Variants in EIF3D observed in about 807,000 individuals in gnomAD.
EIF3D encodes the protein eIF3 p66.
In EIF3D, 10 loss-of-function variants were observed where a neutral mutation model predicts 75.4. The observed-to-expected ratio is 0.13, with a 90% confidence interval of 0.08 to 0.22. The LOEUF (loss-of-function observed/expected upper bound fraction) is 0.22, where lower values mean the gene tolerates loss of function less well. Ranked by LOEUF, EIF3D falls within the 10% of genes least tolerant of loss-of-function variation. The probability of loss-of-function intolerance (pLI) is 1.00; values close to 1 mark genes in which losing one functional copy is unlikely to be tolerated. For synonymous variants in EIF3D, 246 were observed against 248.3 expected (o/e 0.99, Z 0.09); for missense variants, 394 against 708.0 (o/e 0.56, Z 5.03).
rs1180958123 is a variant in EIF3D at position 36,517,292 on chromosome 22, T to C, written c.990+9A>G. ...GAATGAATCAATGCCCAGAGACTCG[T>C]TTCCTCACCATTCTCAAGCACTGCT... On this transcript the variant is annotated intron_variant, in intron 10 of 14. Coordinates refer to ENST00000216190, the MANE Select transcript of EIF3D (RefSeq NM_003753.4). The C allele has an allele frequency of 5.6e-6, 9 of 1,613,766 alleles. No individual in the cohort carries two copies.
At chr22:36,525,522 A>G in intron 3 of EIF3D, 142 bp downstream of exon 3, 1 of 951,092 alleles carries the variant, frequency 1.1e-6, no homozygotes, top group Non-Finnish European at 1.6e-6. Context: ...TTATTGTTAA[A>G]GCCCAGAATA....
intron 4 of EIF3D, among the ~76,000 whole-genome samples, chr22:36,524,214 G>C (rs1475276529): frequency 6.6e-6 from 1 of 151,980 alleles, no homozygotes; most frequent in Non-Finnish European, 1.5e-5. Flanking sequence ...ATGTTTACTG[G>C]GTCTCATTAG....
intron 10 of EIF3D, 185 bp from the exon 11 acceptor site, chr22:36,516,975 A>C (rs750305953): frequency 6.3e-6 from 4 of 631,092 alleles, no homozygotes; most frequent in African/African-American, 1.8e-5. Context: ...CACCTGATGA[A>C]TTAGAACAAT....
intron 2 of EIF3D, 92 bp from the exon 3 acceptor site, chr22:36,525,801 G>T: frequency 1.3e-6 from 2 of 1,528,854 alleles, no homozygotes; most frequent in Non-Finnish European, 1.8e-6. Context: ...GGACAGCGTG[G>T]AAGAGTCTCA....
At position 36,511,725 on chromosome 22, in the gene EIF3D, A is replaced by G. The variant is rs757344731; in HGVS notation, c.1411T>C (p.Phe471Leu). 6 of 1,613,916 alleles carry G rather than the reference A, an allele frequency of 3.7e-6. No individual in the cohort carries two copies. Among genetic ancestry groups the G allele is most frequent in the Non-Finnish European group, 5.1e-6 (6 of 1,180,018 alleles). The change falls in exon 14 of 15, where the codon TTC becomes CTC. Residue 471 changes from phenylalanine to leucine, a missense_variant. Physicochemically the swap from Phe to Leu is conservative, Grantham distance 22. Transcript: ENST00000216190. Reference protein sequence around the residue: ...SRHVILGTQQFKPNEFASQIN... With the variant: ...SRHVILGTQQLKPNEFASQIN... ...TGGCTGGCAAACTCATTAGGCTTGA[A>G]CTGCTGGGTGCCTAGGATGACGTGG... is the stretch of plus-strand genomic sequence containing the variant.
chr22:36,512,446 C>A lies in EIF3D; in HGVS notation c.1349+14G>T. ...TCACAAGATCAGCTGCCAGCTCCTG[C>A]ACAGGAATCTCACCCAAGCTTGAGG... On this transcript the variant is annotated intron_variant, in intron 13 of 14. Transcript: ENST00000216190. 1 of 1,613,818 alleles carries A rather than the reference C, an allele frequency of 6.2e-7. No homozygotes were observed. The highest frequency in any genetic ancestry group is 1.1e-5 in the South Asian group (1 of 91,066).
At chr22:36,522,501 G>A (rs1006034490) in intron 6 of EIF3D, among the ~76,000 whole-genome samples, 3 of 152,136 alleles carry the variant, frequency 2.0e-5, no homozygotes, top group East Asian at 1.9e-4. Flanking sequence ...AAACTGTACC[G>A]ACACATGCTA....
Position 36,525,552 on chromosome 22 carries a change from T to C in EIF3D, c.169+112A>G, listed in dbSNP as rs970853686. 2.5e-6 allele frequency: 3 copies of C among 1,207,020 alleles called. No individual in the cohort carries two copies. The African/African-American group carries it at 4.6e-5, about 19-fold the overall frequency. The allele number at this position is 1,207,020 out of a possible 1,614,324, so 74.8% of individuals were successfully genotyped here. A position where few individuals can be genotyped will look rare whatever the true frequency, so the allele number is the denominator to read the frequency against. On this transcript the variant is annotated intron_variant, in intron 3 of 14. Coordinates refer to ENST00000216190, the MANE Select transcript of EIF3D (RefSeq NM_003753.4). Reference sequence around the variant, plus strand: ...AGAATACATCCCTAAAAGTTATGAATTATTGTTGGCAGTTTCTTCCCATTC... The same window carrying C: ...AGAATACATCCCTAAAAGTTATGAACTATTGTTGGCAGTTTCTTCCCATTC...
intron 8 of EIF3D, 46 bp downstream of exon 8, chr22:36,519,359 G>A (rs374738887): frequency 1.3e-5 from 21 of 1,610,374 alleles, no homozygotes; most frequent in Middle Eastern, 1.7e-4. Context: ...TGTAGAAGCC[G>A]ACAGCATTCC....
chr22:36,519,834 G>A (rs1160330515), intron 7 of EIF3D, among the ~76,000 whole-genome samples: 6 of 152,166 alleles, frequency 3.9e-5, no homozygotes, highest in Admixed American at 2.6e-4. Context: ...CTGACTTCTC[G>A]TCTGGTGCTC....
intron 5 of EIF3D, among the ~76,000 whole-genome samples, 163 bp downstream of exon 5, chr22:36,523,732 A>G (rs1006604506): frequency 2.0e-5 from 3 of 152,234 alleles, no homozygotes; most frequent in Non-Finnish European, 4.4e-5. Flanking sequence ...GCCATGAACC[A>G]GCCTGAGAAC....
chr22:36,511,088 G>T, intron 14 of EIF3D, 88 bp from the exon 15 acceptor site: 1 of 1,490,474 alleles, frequency 6.7e-7, no homozygotes, highest in Non-Finnish European at 9.0e-7. Flanking sequence ...TGGACTGTGC[G>T]TGAGTTTTCA....
intron 8 of EIF3D, 142 bp downstream of exon 8, chr22:36,519,263 C>A: frequency 8.1e-7 from 1 of 1,238,758 alleles, no homozygotes; most frequent in Non-Finnish European, 1.1e-6. Flanking sequence ...TGCTTAACAT[C>A]CACATTTCCG....
intron 4 of EIF3D, 36 bp downstream of exon 4, chr22:36,524,560 G>C (rs1165449126): frequency 6.2e-7 from 1 of 1,613,404 alleles, no homozygotes; most frequent in Middle Eastern, 1.7e-4. Flanking sequence ...AACAGTAACA[G>C]CCCCAAGATG....
intron 14 of EIF3D, 83 bp from the exon 15 acceptor site, chr22:36,511,083 T>C (rs1451808692): frequency 1.8e-5 from 27 of 1,502,388 alleles, no homozygotes; most frequent in Non-Finnish European, 2.1e-5. Flanking sequence ...TCTGCTGGAC[T>C]GTGCGTGAGT....
chr22:36,525,903 C>T, intron 2 of EIF3D, 96 bp downstream of exon 2: 3 of 1,520,294 alleles, frequency 2.0e-6, no homozygotes, highest in African/African-American at 1.4e-5. Flanking sequence ...ATAAGAAATT[C>T]AGGAGTTAAG....
chr22:36,516,741 T>C lies in EIF3D; in HGVS notation c.1040A>G (p.Asp347Gly). ...AGAGGCGATTTCATTCTTATCCATG[T>C]CGTCCTCCACAAACGGGTTTGGGTT... Reference protein sequence around the residue: ...FPNPNPFVEDDMDKNEIASVA... With the variant: ...FPNPNPFVEDGMDKNEIASVA... Residue 347 changes from aspartate (D) to glycine (G), a missense_variant, in exon 11 of 15, where the codon GAC becomes GGC. By Grantham distance (94) the Asp-to-Gly change is moderately conservative (BLOSUM62 -1). Coordinates refer to ENST00000216190, the MANE Select transcript of EIF3D (RefSeq NM_003753.4). The C allele has an allele frequency of 6.2e-7, 1 of 1,614,238 alleles. No homozygotes were observed.
intron 6 of EIF3D, among the ~76,000 whole-genome samples, chr22:36,521,518 G>T (rs868145608): frequency 5.9e-5 from 9 of 152,304 alleles, no homozygotes; most frequent in Middle Eastern, 3.4e-3. Context: ...GTTCACAGCA[G>T]CATCAATAAT....
At chr22:36,524,029 C>G in intron 4 of EIF3D, 49 bp from the exon 5 acceptor site, 1 of 1,585,988 alleles carries the variant, frequency 6.3e-7, no homozygotes, top group Non-Finnish European at 8.7e-7. Flanking sequence ...AGATTTGGCT[C>G]ACAATAGGCA....
Sources: gnomAD v4.1 joint callset for allele counts (sites outside exome capture counted in the v4.1 genomes callset) on GRCh38, gnomAD v4.1.1 for gene constraint, MANE v1.5 for transcripts, NCBI Gene and HGNC (gene_info 2026-07-23, HGNC 2026-07-21) for gene names.